Variants in APLF observed in about 807,000 individuals in gnomAD.
APLF encodes the protein aprataxin and PNKP like factor.
APLF carries 61 observed loss-of-function variants against 55.6 expected under a neutral mutation model. That is an observed-to-expected ratio of 1.10 (90% CI 0.89 to 1.36). APLF has a LOEUF of 1.36. APLF is among the 40% of genes most tolerant of loss of function. The pLI is 0.00. For synonymous variants in APLF, 207 were observed against 214.8 expected, an observed-to-expected ratio of 0.96 and a Z score of 0.32; for missense variants, 611 against 602.5, an observed-to-expected ratio of 1.01 and a Z score of -0.15.
rs538965646 is a variant in APLF, at chr2:68,480,378, C to T, written c.97-9812C>T. Among the ~76,000 whole-genome samples, 20 of 151,384 alleles carry T rather than the reference C, an allele frequency of 1.3e-4. No homozygotes were observed. In the South Asian group the frequency reaches 4.2e-3, roughly 32 times the overall value. ...GGAGTGCGGTGGCATGATCTCGGCTCACTGCAACCTCCGTCTCCCAGATTC... is the reference window on the plus strand; with the variant it reads ...GGAGTGCGGTGGCATGATCTCGGCTTACTGCAACCTCCGTCTCCCAGATTC... On this transcript the variant is annotated intron_variant, in intron 1 of 9. Coordinates refer to ENST00000303795, the MANE Select transcript of APLF (RefSeq NM_173545.3).
chr2:68,576,537 A>G (rs1671629311), intron 9 of APLF, among the ~76,000 whole-genome samples: 1 of 152,166 alleles, frequency 6.6e-6, no homozygotes, highest in African/African-American at 2.4e-5. Flanking sequence ...TAATTGTGTT[A>G]AAAATTGAGG....
In APLF at chr2:68,512,329, T is replaced by TA. The variant is rs1415554558; in HGVS notation, c.342-750dup. 7.2e-5 allele frequency among the ~76,000 whole-genome samples: 11 copies of TA among 151,884 alleles called. No homozygotes were observed. The Middle Eastern group carries it at 0.014, about 188-fold the overall frequency. On this transcript the variant is annotated intron_variant, in intron 3 of 9. Coordinates refer to ENST00000303795, the MANE Select transcript of APLF (RefSeq NM_173545.3). ...CCTTTTGTGTCTGGCTTCTTTCACT[T>TA]AGCAAAATGCCTTTGGGATTCATCT... is the stretch of plus-strand genomic sequence containing the variant.
In APLF at chr2:68,545,309, A is replaced by G. The variant is rs142312984; in HGVS notation, c.1283A>G (p.Tyr428Cys). The change falls in exon 8 of 10, where the codon TAT (tyrosine) becomes TGT (cysteine). Residue 428 changes from tyrosine (Y) to cysteine (C), a missense_variant. Coordinates refer to ENST00000303795, the MANE Select transcript of APLF (RefSeq NM_173545.3). The part of the protein sequence containing the change: ...RPECPYGPSC[Y>C]RKNPQHKIEY... ...GAATGTCCCTATGGACCATCCTGTT[A>G]TAGGTATAGAAACTGAATGTTTGGC... 101 of 1,612,554 alleles carry G rather than the reference A, an allele frequency of 6.3e-5. 1 individual carries two copies. The Middle Eastern group carries it at 1.3e-3, about 21-fold the overall frequency.
chr2:68,528,525 G>T (rs1670149390), intron 6 of APLF: 3 of 1,533,952 alleles, frequency 2.0e-6, no homozygotes, highest in African/African-American at 2.7e-5. Context: ...GCTCTGGGTG[G>T]AGAAGACCTA....
intron 6 of APLF, among the ~76,000 whole-genome samples, chr2:68,527,983 C>A (rs912835247): frequency 5.4e-5 from 8 of 148,988 alleles, no homozygotes; most frequent in Non-Finnish European, 1.2e-4. Flanking sequence ...GACTGTGAGG[C>A]GGCTGGGCAG....
intron 7 of APLF, among the ~76,000 whole-genome samples, chr2:68,540,798 ATG>A: frequency 6.8e-6 from 1 of 147,908 alleles, no homozygotes; most frequent in Non-Finnish European, 1.5e-5. Flanking sequence ...ATGTGTGTGT[ATG>A]TGTGTAAGTT....
chr2:68,553,046 T>TA (rs1237105877), intron 8 of APLF, among the ~76,000 whole-genome samples: 1 of 152,134 alleles, frequency 6.6e-6, no homozygotes, highest in African/African-American at 2.4e-5. Flanking sequence ...ATGAGCTGTG[T>TA]AAGACCCCAA....
chr2:68,571,205 G>A (rs1230175470), intron 9 of APLF, among the ~76,000 whole-genome samples: 3 of 152,062 alleles, frequency 2.0e-5, no homozygotes, highest in Admixed American at 1.3e-4. Context: ...CCCTTTGTCA[G>A]GTGAGTAGAT....
At chr2:68,490,617 G>A (rs982548340) in intron 2 of APLF, among the ~76,000 whole-genome samples, 2 of 152,132 alleles carry the variant, frequency 1.3e-5, no homozygotes, top group Non-Finnish European at 2.9e-5. Flanking sequence ...AAATGTTATA[G>A]GGTTATATTT....
At chr2:68,553,058 G>A (rs1284868911) in intron 8 of APLF, among the ~76,000 whole-genome samples, 4 of 152,082 alleles carry the variant, frequency 2.6e-5, no homozygotes, top group Non-Finnish European at 5.9e-5. Context: ...AGACCCCAAA[G>A]CTGGTGAGAT....
At chr2:68,477,432 A>G (rs1675814986) in intron 1 of APLF, among the ~76,000 whole-genome samples, 1 of 152,062 alleles carries the variant, frequency 6.6e-6, no homozygotes, top group Non-Finnish European at 1.5e-5. Context: ...CTGGAATTCA[A>G]GATCAGCCTG....
intron 5 of APLF, among the ~76,000 whole-genome samples, chr2:68,516,360 A>G (rs868851826): frequency 6.6e-6 from 1 of 151,536 alleles, no homozygotes; most frequent in Non-Finnish European, 1.5e-5. Flanking sequence ...CTTTATATGT[A>G]GGGGAATTTT....
intron 8 of APLF, among the ~76,000 whole-genome samples, chr2:68,551,429 T>C (rs915709791): frequency 2.0e-5 from 3 of 152,096 alleles, no homozygotes; most frequent in Non-Finnish European, 4.4e-5. Flanking sequence ...CATCAGATAT[T>C]GTGTCTACTC....
intron 6 of APLF, chr2:68,528,984 C>G (rs1486733548): frequency 2.0e-5 from 30 of 1,522,738 alleles, no homozygotes; most frequent in Non-Finnish European, 2.6e-5. Flanking sequence ...TCTTTCACCT[C>G]CGTTGCTTCT....
At chr2:68,525,037 T>C (rs1243621977) in intron 5 of APLF, among the ~76,000 whole-genome samples, 1 of 152,214 alleles carries the variant, frequency 6.6e-6, no homozygotes, top group Non-Finnish European at 1.5e-5. Flanking sequence ...GGTTTGCCTG[T>C]AATCCCAGCA....
chr2:68,469,856 T>G (rs1158793571), intron 1 of APLF, among the ~76,000 whole-genome samples: 1 of 152,222 alleles, frequency 6.6e-6, no homozygotes, highest in Non-Finnish European at 1.5e-5. Flanking sequence ...ATTTTGAACT[T>G]TCTTAATTGG....
chr2:68,570,532 G>A (rs1671428956), intron 9 of APLF, among the ~76,000 whole-genome samples: 1 of 151,422 alleles, frequency 6.6e-6, no homozygotes, highest in African/African-American at 2.4e-5. Flanking sequence ...CTATAAGTGA[G>A]AACATGTGGT....
At chr2:68,535,579 T>G (rs1670364916) in intron 6 of APLF, among the ~76,000 whole-genome samples, 1 of 151,996 alleles carries the variant, frequency 6.6e-6, no homozygotes, top group Admixed American at 6.6e-5. Flanking sequence ...AATTAATTTA[T>G]TTAACCACTT....
rs1669592335 is a variant in APLF, at chr2:68,516,830, T to A, written c.622+3150T>A. On this transcript the variant is annotated intron_variant, in intron 5 of 9. Transcript: ENST00000303795. ...TTTGTATATATATAGAGAGAACAAA[T>A]CTGGAGGCATCACGTTTTATATATA... Among the ~76,000 whole-genome samples, 3 of 141,852 alleles carry A rather than the reference T, an allele frequency of 2.1e-5. No individual in the cohort carries two copies. In the Admixed American group the frequency reaches 2.3e-4, roughly 11 times the overall value. 93.1% of individuals were successfully genotyped at this position (141,852 alleles called of 152,430 possible).
Sources: gnomAD v4.1 joint callset for allele counts (sites outside exome capture counted in the v4.1 genomes callset) on GRCh38, gnomAD v4.1.1 for gene constraint, MANE v1.5 for transcripts, NCBI Gene and HGNC (gene_info 2026-07-23, HGNC 2026-07-21) for gene names.